Variants in TTK observed in about 807,000 individuals in gnomAD.
TTK encodes TTK protein kinase.
In TTK, 59 loss-of-function variants were observed where a neutral mutation model predicts 117.3. That is an observed-to-expected ratio of 0.50 (90% CI 0.41 to 0.62). The LOEUF (loss-of-function observed/expected upper bound fraction) is 0.62. Among genes scored for constraint, TTK ranks in the 20% least tolerant of loss-of-function variants. The pLI, the probability that TTK is intolerant of heterozygous loss-of-function variation, is 0.00. For missense variants in TTK, 921 were observed against 989.4 expected, an observed-to-expected ratio of 0.93 and a Z score of 0.93; for synonymous variants, 302 against 325.0, an observed-to-expected ratio of 0.93 and a Z score of 0.76.
chr6:80,032,994 T>C (rs1485200526), intron 14 of TTK, among the ~76,000 whole-genome samples: 1 of 152,158 alleles, frequency 6.6e-6, no homozygotes, highest in Non-Finnish European at 1.5e-5. Flanking sequence ...AGCAATTGAC[T>C]CTCTGCAATA....
chr6:80,028,096 A>G, intron 13 of TTK, 85 bp downstream of exon 13: 2 of 1,394,448 alleles, frequency 1.4e-6, no homozygotes, highest in Admixed American at 2.6e-5. Context: ...AGTTATCAAG[A>G]AAGGTCTTAA....
chr6:80,038,057 A>C lies in TTK; in HGVS notation c.2130+10A>C. 1 of 1,580,920 alleles carries C rather than the reference A, an allele frequency of 6.3e-7. No individual in the cohort carries two copies. The highest frequency in any genetic ancestry group is 8.7e-7 in the Non-Finnish European group (1 of 1,155,382). ...GAAATCTAAGTCAAAGGTACTGAAA[A>C]GATTATTTACATCACAATTATCTGG... On this transcript the variant is annotated intron_variant, in intron 18 of 21. Coordinates refer to ENST00000369798, the MANE Select transcript of TTK (RefSeq NM_003318.5).
intron 9 of TTK, 85 bp from the exon 10 acceptor site, chr6:80,014,378 G>A: frequency 7.9e-7 from 1 of 1,263,976 alleles, no homozygotes; most frequent in African/African-American, 1.5e-5. Context: ...TCCATGTATA[G>A]ATAAGACTTT....
At chr6:80,036,709 A>C in intron 17 of TTK, 110 bp downstream of exon 17, 5 of 1,177,474 alleles carry the variant, frequency 4.2e-6, no homozygotes, top group East Asian at 2.7e-5. Context: ...TCTTCAAAGG[A>C]TTTGAAGTCT....
intron 13 of TTK, among the ~76,000 whole-genome samples, chr6:80,028,564 C>T (rs566645716): frequency 6.5e-4 from 99 of 152,152 alleles, no homozygotes; most frequent in African/African-American, 1.9e-3. Flanking sequence ...ACCATCCGCC[C>T]GCCTCAGCCC....
At chr6:80,029,014 G>A (rs1045485886) in intron 13 of TTK, among the ~76,000 whole-genome samples, 4 of 152,114 alleles carry the variant, frequency 2.6e-5, no homozygotes, top group African/African-American at 7.2e-5. Context: ...TAATATAGAC[G>A]TAACTCCTAA....
intron 16 of TTK, among the ~76,000 whole-genome samples, chr6:80,035,714 G>A (rs1324785786): frequency 6.6e-6 from 1 of 152,056 alleles, no homozygotes; most frequent in Non-Finnish European, 1.5e-5. Context: ...GCAGGTCTAA[G>A]ACTTTGGGGT....
chr6:80,031,314 T>C (rs1321321388), intron 13 of TTK, among the ~76,000 whole-genome samples, 153 bp from the exon 14 acceptor site: 1 of 151,856 alleles, frequency 6.6e-6, no homozygotes, highest in Non-Finnish European at 1.5e-5. Flanking sequence ...TTTTTTTCTT[T>C]GATTAAGTAG....
intron 13 of TTK, among the ~76,000 whole-genome samples, chr6:80,031,044 CAAA>C (rs56848922): frequency 6.4e-5 from 5 of 77,882 alleles, no homozygotes; most frequent in South Asian, 3.7e-4. Flanking sequence ...GATGCTGTCT[CAAA>C]AAAAAAAAAA....
chr6:80,038,522 T>C (rs1173566581), intron 18 of TTK, among the ~76,000 whole-genome samples: 1 of 152,166 alleles, frequency 6.6e-6, no homozygotes, highest in Non-Finnish European at 1.5e-5. Context: ...GTGACTTGCC[T>C]AGTTTCCCTG....
At chr6:80,034,736 T>C (rs753876425) in intron 14 of TTK, among the ~76,000 whole-genome samples, 7 of 152,186 alleles carry the variant, frequency 4.6e-5, no homozygotes, top group African/African-American at 7.2e-5. Flanking sequence ...CATGTTGATA[T>C]AGAAACTTTA....
At chr6:80,041,440 C>G (rs1438767454) in intron 21 of TTK, among the ~76,000 whole-genome samples, 1 of 151,684 alleles carries the variant, frequency 6.6e-6, no homozygotes, top group Non-Finnish European at 1.5e-5. Context: ...TAAATTTTCT[C>G]AAATGCTAAT....
At chr6:80,028,972 C>A (rs1278290990) in intron 13 of TTK, among the ~76,000 whole-genome samples, 1 of 151,996 alleles carries the variant, frequency 6.6e-6, no homozygotes, top group Non-Finnish European at 1.5e-5. Context: ...AAGCTAACTA[C>A]CTCCTAGGAT....
At chr6:80,007,073 G>C (rs1767012167) in intron 2 of TTK, among the ~76,000 whole-genome samples, 1 of 152,130 alleles carries the variant, frequency 6.6e-6, no homozygotes, top group African/African-American at 2.4e-5. Context: ...ACATTTCAGT[G>C]TGAACATTTT....
In TTK at chr6:80,011,745, CA is replaced by C; in HGVS notation, c.747del (p.Asp250MetfsTer4). 6.2e-7 allele frequency: 1 copy of C among 1,612,660 alleles called. No individual in the cohort carries two copies. The highest frequency in any genetic ancestry group is 8.5e-7 in the Non-Finnish European group (1 of 1,179,160). ...RFLYGENMPP[Q>X]DAEIGYRNSL... ...TCTGTTTAGAGAGAACATGCCACCA[CA>C]AGATGCAGAAATAGGTTACCGGAAT... On this transcript the variant is annotated frameshift_variant, in exon 7 of 22. Coordinates refer to ENST00000369798, the MANE Select transcript of TTK (RefSeq NM_003318.5). LOFTEE classifies it high-confidence loss of function.
chr6:80,025,476 C>T (rs962709350), intron 11 of TTK, among the ~76,000 whole-genome samples: 16 of 152,168 alleles, frequency 1.1e-4, no homozygotes, highest in Admixed American at 2.0e-4. Flanking sequence ...ATAACTAAAG[C>T]TGTCCTGAAA....
At chr6:80,015,573 A>G (rs998290563) in intron 10 of TTK, among the ~76,000 whole-genome samples, 5 of 152,176 alleles carry the variant, frequency 3.3e-5, no homozygotes, top group Non-Finnish European at 5.9e-5. Flanking sequence ...GGGGACACAC[A>G]CAAAAAAACA....
intron 13 of TTK, among the ~76,000 whole-genome samples, chr6:80,030,770 G>T (rs1057087187): frequency 6.6e-6 from 1 of 152,202 alleles, no homozygotes; most frequent in African/African-American, 2.4e-5. Flanking sequence ...CATGAAATTT[G>T]ACAGATCCAA....
chr6:80,038,247 C>T (rs1306432222), intron 18 of TTK, among the ~76,000 whole-genome samples, 200 bp downstream of exon 18: 1 of 152,130 alleles, frequency 6.6e-6, no homozygotes, highest in Non-Finnish European at 1.5e-5. Context: ...TTTCCAAGTA[C>T]AGCTGGAGAA....
Sources: gnomAD v4.1 joint callset for allele counts (sites outside exome capture counted in the v4.1 genomes callset) on GRCh38, gnomAD v4.1.1 for gene constraint, MANE v1.5 for transcripts, NCBI Gene and HGNC (gene_info 2026-07-23, HGNC 2026-07-21) for gene names.